ENTREP2: variants seen among roughly 807,000 people sequenced by gnomAD.
ENTREP2 encodes the protein endosomal transmembrane epsin interactor 2.
chr15:29,569,156 G>A, the ENTREP2 span, among the ~76,000 whole-genome samples: 1 of 152,268 alleles, frequency 6.6e-6, no homozygotes, highest in East Asian at 1.9e-4. Context: ...CCGTGTGCTT[G>A]CCTCCAACCT....
chr15:29,151,208 G>T, the ENTREP2 span, among the ~76,000 whole-genome samples: 778 of 152,252 alleles, frequency 5.1e-3, 5 homozygotes, highest in African/African-American at 0.017. Context: ...CTGCCCCTGG[G>T]AGTGACAGGT....
At chr15:29,539,890 C>A in the ENTREP2 span, among the ~76,000 whole-genome samples, 1 of 152,118 alleles carries the variant, frequency 6.6e-6, no homozygotes. Context: ...AGCCCTCACA[C>A]CATGCCAGGG....
the ENTREP2 span, among the ~76,000 whole-genome samples, chr15:29,656,996 G>A: frequency 7.2e-5 from 11 of 152,272 alleles, no homozygotes; most frequent in East Asian, 1.2e-3. Flanking sequence ...CGGCCAGGGT[G>A]TTCGTGGTCT....
the ENTREP2 span, among the ~76,000 whole-genome samples, chr15:29,287,507 C>T: frequency 3.3e-5 from 5 of 151,666 alleles, no homozygotes; most frequent in South Asian, 8.3e-4. Context: ...ATAACCAAAA[C>T]ACCATACTCA....
At chr15:29,333,982 T>C in the ENTREP2 span, among the ~76,000 whole-genome samples, 1 of 151,578 alleles carries the variant, frequency 6.6e-6, no homozygotes, top group Non-Finnish European at 1.5e-5. Flanking sequence ...TACCAGCAAA[T>C]CACAGGAAGC....
the ENTREP2 span, among the ~76,000 whole-genome samples, chr15:29,581,915 C>G: frequency 0.014 from 2,101 of 150,386 alleles, 58 homozygotes; most frequent in African/African-American, 0.049. Context: ...AATAGAGAAC[C>G]CAGAAATAGA....
At chr15:29,293,358 C>T in the ENTREP2 span, among the ~76,000 whole-genome samples, 39 of 152,044 alleles carry the variant, frequency 2.6e-4, no homozygotes, top group Non-Finnish European at 5.0e-4. Context: ...TCACGCCATT[C>T]TCCCTCAGCC....
chr15:29,668,170 T>TA, the ENTREP2 span, among the ~76,000 whole-genome samples: 1 of 152,160 alleles, frequency 6.6e-6, no homozygotes, highest in Non-Finnish European at 1.5e-5. Flanking sequence ...CCCTTCACTC[T>TA]AGCAACAGAA....
the ENTREP2 span, among the ~76,000 whole-genome samples, chr15:29,186,412 A>G: frequency 6.6e-6 from 1 of 152,168 alleles, no homozygotes. Context: ...AGCTGCCAAA[A>G]AACTCCAAAG....
the ENTREP2 span, among the ~76,000 whole-genome samples, chr15:29,147,958 C>A: frequency 2.0e-5 from 3 of 152,026 alleles, no homozygotes; most frequent in Admixed American, 2.0e-4. Flanking sequence ...ACTGTTGAGC[C>A]GTAAAAAAGA....
chr15:29,539,083 G>A, the ENTREP2 span, among the ~76,000 whole-genome samples: 105 of 152,228 alleles, frequency 6.9e-4, no homozygotes, highest in African/African-American at 2.2e-3. Flanking sequence ...GAGAAACATC[G>A]GGAGACTGCC....
At chr15:29,508,643 C>T in the ENTREP2 span, among the ~76,000 whole-genome samples, 4 of 151,386 alleles carry the variant, frequency 2.6e-5, no homozygotes, top group Non-Finnish European at 4.4e-5. Flanking sequence ...GAAGCAATGA[C>T]AAAAACGACA....
the ENTREP2 span, among the ~76,000 whole-genome samples, chr15:29,626,200 CACTT>C: frequency 6.6e-6 from 1 of 152,074 alleles, no homozygotes; most frequent in Non-Finnish European, 1.5e-5. Flanking sequence ...TTGCTATACT[CACTT>C]AGCTCTAGGA....
the ENTREP2 span, among the ~76,000 whole-genome samples, chr15:29,214,220 C>G: frequency 6.6e-6 from 1 of 152,172 alleles, no homozygotes; most frequent in Non-Finnish European, 1.5e-5. Context: ...AATCATGCTG[C>G]TATAAAGACA....
At chr15:29,632,209 GT>G in the ENTREP2 span, among the ~76,000 whole-genome samples, 1 of 152,188 alleles carries the variant, frequency 6.6e-6, no homozygotes, top group South Asian at 2.1e-4. Context: ...CAAGTCTTGA[GT>G]TCTCGAACCA....
At chr15:29,593,005 C>T in the ENTREP2 span, among the ~76,000 whole-genome samples, 3 of 152,006 alleles carry the variant, frequency 2.0e-5, no homozygotes, top group South Asian at 2.1e-4. Context: ...AACCATGAGC[C>T]GAATAATAAA....
chr15:29,570,180 TCCCCGGCGCGCGCGGTCCCCGGCGCTCC>T, the ENTREP2 span, among the ~76,000 whole-genome samples: 1 of 149,180 alleles, frequency 6.7e-6, no homozygotes, highest in African/African-American at 2.5e-5. Flanking sequence ...CGAGGTCGTG[TCCCCGGCGCGCGCGGTCCCCGGCGCTCC>T]CTCCGGCCGC....
chr15:29,570,984 C>G, the ENTREP2 span, among the ~76,000 whole-genome samples: 22 of 145,344 alleles, frequency 1.5e-4, no homozygotes, highest in African/African-American at 4.2e-4. Context: ...CGCCCTCCCC[C>G]GCCCGCCCCG....
the ENTREP2 span, among the ~76,000 whole-genome samples, chr15:29,370,225 A>T: frequency 3.9e-5 from 6 of 152,220 alleles, no homozygotes; most frequent in South Asian, 1.2e-3. Flanking sequence ...ACATGATCCA[A>T]TTACACACTG....
Sources: allele counts gnomAD v4.1 joint callset (sites outside exome capture counted in the v4.1 genomes callset), GRCh38; gene constraint gnomAD v4.1.1; transcripts MANE v1.5; gene names NCBI Gene and HGNC (gene_info 2026-07-23, HGNC 2026-07-21).